The following EFCAB11 variants were observed in gnomAD, a reference collection of about 807,000 sequenced individuals.
The protein encoded by EFCAB11 is EF-hand calcium-binding domain-containing protein 11.
EFCAB11 carries 14 observed loss-of-function variants against 23.0 expected under a neutral mutation model. That is an observed-to-expected ratio of 0.61 (90% CI 0.40 to 0.95). The LOEUF (loss-of-function observed/expected upper bound fraction) is 0.95. EFCAB11 is among the 40% of genes least tolerant of loss of function. The pLI, the probability that EFCAB11 is intolerant of heterozygous loss-of-function variation, is 0.00. For missense variants in EFCAB11, 198 were observed against 195.8 expected, an observed-to-expected ratio of 1.01 and a Z score of -0.07; for synonymous variants, 65 against 66.6, an observed-to-expected ratio of 0.98 and a Z score of 0.11.
chr14:89,847,828 C>T (rs1887483163), intron 5 of EFCAB11, among the ~76,000 whole-genome samples: 1 of 151,712 alleles, frequency 6.6e-6, no homozygotes, highest in Non-Finnish European at 1.5e-5. Context: ...TCCAAATTGT[C>T]TCTGCATTTA....
chr14:89,865,029 G>A (rs147447231), intron 5 of EFCAB11, among the ~76,000 whole-genome samples: 99 of 152,342 alleles, frequency 6.5e-4, no homozygotes, highest in African/African-American at 2.1e-3. Context: ...GCTTGTGACC[G>A]TCCTGAGTAG....
rs139947367 is a variant in EFCAB11, at chr14:89,856,553, C to T, written c.411-59229G>A. ...TGGCTGTACCAATGTACATTCCCAA[C>T]GGTATATAAGAGTTCCCTCCTCTAC... On this transcript the variant is annotated intron_variant, in intron 5 of 5. Transcript: ENST00000316738. Among the ~76,000 whole-genome samples the T allele has an allele frequency of 7.9e-5, 12 of 152,086 alleles. No individual in the cohort carries two copies. The East Asian group carries it at 1.5e-3, about 20-fold the overall frequency.
intron 5 of EFCAB11, among the ~76,000 whole-genome samples, chr14:89,803,028 C>T (rs996771726): frequency 6.6e-6 from 1 of 152,140 alleles, no homozygotes; most frequent in East Asian, 1.9e-4. Context: ...TTGGCAGCAT[C>T]CCTGGCCTCC....
chr14:89,838,454 A>C (rs4406999), intron 5 of EFCAB11, among the ~76,000 whole-genome samples: 105,347 of 149,948 alleles, frequency 0.7, 38,722 homozygotes, highest in Non-Finnish European at 0.83. Context: ...AAAAAAAAAA[A>C]CCAAAAAAAC....
intron 5 of EFCAB11, among the ~76,000 whole-genome samples, chr14:89,824,303 A>G (rs1471344391): frequency 6.6e-6 from 1 of 152,192 alleles, no homozygotes; most frequent in Admixed American, 6.5e-5. Context: ...TTTCAAAACA[A>G]AAGTAAAATA....
intron 5 of EFCAB11, chr14:89,931,199 C>A (rs1262149072): frequency 9.6e-6 from 2 of 209,176 alleles, no homozygotes; most frequent in Non-Finnish European, 1.9e-5. Flanking sequence ...AGGACACCAG[C>A]ATCCATGCTA....
intron 2 of EFCAB11, among the ~76,000 whole-genome samples, chr14:89,952,172 T>G (rs766915625): frequency 6.6e-6 from 1 of 152,332 alleles, no homozygotes; most frequent in Admixed American, 6.5e-5. Context: ...GACATGCTAT[T>G]AGTAAATACC....
chr14:89,886,388 G>A (rs1888773544), intron 5 of EFCAB11, among the ~76,000 whole-genome samples: 1 of 151,684 alleles, frequency 6.6e-6, no homozygotes, highest in Non-Finnish European at 1.5e-5. Context: ...CGTGGTGGCG[G>A]GTGCCTGTAG....
At chr14:89,823,193 T>C (rs757255941) in intron 5 of EFCAB11, among the ~76,000 whole-genome samples, 9 of 152,184 alleles carry the variant, frequency 5.9e-5, no homozygotes, top group Non-Finnish European at 1.2e-4. Context: ...ATACCATTGT[T>C]GCTTGAAGAT....
At chr14:89,806,400 C>T (rs540054306) in intron 5 of EFCAB11, among the ~76,000 whole-genome samples, 1 of 152,244 alleles carries the variant, frequency 6.6e-6, no homozygotes, top group Non-Finnish European at 1.5e-5. Flanking sequence ...CTATCAAGTG[C>T]TTTAACAGAG....
At chr14:89,859,196 C>T (rs1485077635) in intron 5 of EFCAB11, among the ~76,000 whole-genome samples, 4 of 152,168 alleles carry the variant, frequency 2.6e-5, no homozygotes, top group African/African-American at 9.7e-5. Context: ...CATAATTTCA[C>T]TTATTTAAAA....
At chr14:89,878,041 C>T (rs17126435) in intron 5 of EFCAB11, among the ~76,000 whole-genome samples, 8,199 of 152,182 alleles carry the variant, frequency 0.054, 377 homozygotes, top group African/African-American at 0.12. Flanking sequence ...TTTCTTCCAA[C>T]GCTACAGAAC....
At chr14:89,954,470 C>T in intron 1 of EFCAB11, 116 bp downstream of exon 1, 1 of 1,540,250 alleles carries the variant, frequency 6.5e-7, no homozygotes, top group Non-Finnish European at 8.7e-7. Context: ...ACCCTTTGGA[C>T]AGGCAGCCCA....
intron 5 of EFCAB11, chr14:89,833,182 T>TG: frequency 6.6e-6 from 1 of 152,208 alleles, no homozygotes. Context: ...TTTTCCCTAT[T>TG]TAAGTAGAGA....
chr14:89,948,737 A>G (rs928062194), intron 3 of EFCAB11, among the ~76,000 whole-genome samples: 2 of 152,240 alleles, frequency 1.3e-5, no homozygotes, highest in African/African-American at 4.8e-5. Flanking sequence ...TAAGGCACAG[A>G]AAGTCAAACA....
At chr14:89,817,606 C>T (rs1886375737) in intron 5 of EFCAB11, among the ~76,000 whole-genome samples, 1 of 152,112 alleles carries the variant, frequency 6.6e-6, no homozygotes. Context: ...ATTTAACATA[C>T]AATTTCCCAA....
At chr14:89,869,772 T>C (rs1341342182) in intron 5 of EFCAB11, among the ~76,000 whole-genome samples, 1 of 152,208 alleles carries the variant, frequency 6.6e-6, no homozygotes, top group East Asian at 1.9e-4. Flanking sequence ...GAGTATTATT[T>C]ATGACAACAA....
intron 5 of EFCAB11, among the ~76,000 whole-genome samples, chr14:89,864,520 G>A (rs1014554586): frequency 1.3e-5 from 2 of 151,986 alleles, no homozygotes; most frequent in Non-Finnish European, 2.9e-5. Context: ...GACCTCCTGG[G>A]CTCAACTGAT....
At chr14:89,925,427 T>G (rs900137317) in intron 5 of EFCAB11, among the ~76,000 whole-genome samples, 3 of 152,138 alleles carry the variant, frequency 2.0e-5, no homozygotes, top group Non-Finnish European at 2.9e-5. Flanking sequence ...GGAAAGATGT[T>G]TCTTACTTAA....
Sources: gnomAD v4.1 joint callset for allele counts (sites outside exome capture counted in the v4.1 genomes callset) on GRCh38, gnomAD v4.1.1 for gene constraint, MANE v1.5 for transcripts, NCBI Gene and HGNC (gene_info 2026-07-23, HGNC 2026-07-21) for gene names.